The following ABI3BP variants were observed in gnomAD, a reference collection of about 807,000 sequenced individuals.
The protein encoded by ABI3BP is ABI family member 3 binding protein.
In ABI3BP, 216 loss-of-function variants were observed where a neutral mutation model predicts 268.6. That is an observed-to-expected ratio of 0.80 (90% confidence interval 0.72 to 0.90). ABI3BP has a LOEUF of 0.90. Ranked by LOEUF, ABI3BP falls within the 40% of genes least tolerant of loss-of-function variation. The pLI is 0.00. For missense variants in ABI3BP, 2,090 were observed against 2,182.4 expected (o/e 0.96, Z 0.84); for synonymous variants, 730 against 730.0 (o/e 1.00, Z 0.00).
At chr3:100,812,352 G>T in intron 46 of ABI3BP, 115 bp downstream of exon 46, 1 of 585,254 alleles carries the variant, frequency 1.7e-6, no homozygotes, top group Non-Finnish European at 2.6e-6. Flanking sequence ...GCACAGACAA[G>T]CTGTGAGGAG....
chr3:100,911,644 C>G, intron 2 of ABI3BP: 1 of 718,358 alleles, frequency 1.4e-6, no homozygotes, highest in South Asian at 1.6e-5. Context: ...GTAGAGGAAC[C>G]TGATACAGTT....
At chr3:100,824,612 T>C (rs576199653) in intron 36 of ABI3BP, among the ~76,000 whole-genome samples, 1 of 152,312 alleles carries the variant, frequency 6.6e-6, no homozygotes, top group East Asian at 1.9e-4. Context: ...CAGTAAGAAA[T>C]ATACTAACTA....
intron 53 of ABI3BP, 124 bp downstream of exon 53, chr3:100,795,680 T>C (rs2097324975): frequency 4.9e-6 from 4 of 809,756 alleles, no homozygotes; most frequent in Non-Finnish European, 1.7e-6. Context: ...AGAGTAATAA[T>C]AATGAGAATG....
chr3:100,764,127 G>A (rs1267624936), intron 63 of ABI3BP, among the ~76,000 whole-genome samples: 1 of 152,138 alleles, frequency 6.6e-6, no homozygotes, highest in Non-Finnish European at 1.5e-5. Flanking sequence ...TCCGTGTACT[G>A]ACATACACTA....
At chr3:100,911,762 G>T in intron 2 of ABI3BP, 5 of 1,046,620 alleles carry the variant, frequency 4.8e-6, no homozygotes, top group East Asian at 4.7e-5. Flanking sequence ...GAGTAGCGTA[G>T]CTTTCTGTTA....
At chr3:100,858,067 A>G (rs936768648) in intron 14 of ABI3BP, among the ~76,000 whole-genome samples, 7 of 152,258 alleles carry the variant, frequency 4.6e-5, no homozygotes, top group African/African-American at 1.7e-4. Flanking sequence ...TTATTGCATC[A>G]TCAGAAAGAC....
intron 18 of ABI3BP, 24 bp from the exon 19 acceptor site, chr3:100,847,697 A>G (rs751683149): frequency 1.3e-6 from 2 of 1,587,462 alleles, no homozygotes; most frequent in South Asian, 1.1e-5. Flanking sequence ...GGAAAAAAAT[A>G]TTGAAATATC....
At position 100,818,592 on chromosome 3, in the gene ABI3BP, G is replaced by A. The variant is rs2098122287; in HGVS notation, c.3032-11C>T. The A allele has an allele frequency of 6.5e-7, 1 of 1,532,028 alleles. No homozygotes were observed. Among genetic ancestry groups the A allele is most frequent in the South Asian group, 1.2e-5 (1 of 83,952 alleles). 94.9% of individuals were successfully genotyped at this position (1,532,028 alleles called of 1,614,324 possible). A position where few individuals can be genotyped will look rare whatever the true frequency, so the allele number is the denominator to read the frequency against. ...GATCTGTAGAAGGAACTAATTAAAAGCAATGAAATAAACTTGTGAAAAGCC... is the reference window on the plus strand; with the variant it reads ...GATCTGTAGAAGGAACTAATTAAAAACAATGAAATAAACTTGTGAAAAGCC... On this transcript the variant is annotated splice_polypyrimidine_tract_variant and intron_variant, in intron 40 of 67. Coordinates refer to ENST00000471714, the MANE Select transcript of ABI3BP (RefSeq NM_001375547.2).
chr3:100,912,918 CT>C (rs2057280274), intron 2 of ABI3BP, among the ~76,000 whole-genome samples: 1 of 152,200 alleles, frequency 6.6e-6, no homozygotes, highest in African/African-American at 2.4e-5. Flanking sequence ...TATCAGCTGC[CT>C]TTGCCTCTGC....
intron 57 of ABI3BP, among the ~76,000 whole-genome samples, chr3:100,780,930 G>A (rs2316943): frequency 0.14 from 20,953 of 152,064 alleles, 1,839 homozygotes; most frequent in South Asian, 0.26. Flanking sequence ...GGTTTTTGTC[G>A]TATTTTAAAA....
chr3:100,881,941 C>G (rs2153370289), intron 6 of ABI3BP, among the ~76,000 whole-genome samples: 1 of 152,246 alleles, frequency 6.6e-6, no homozygotes, highest in East Asian at 1.9e-4. Context: ...GAACACATAT[C>G]TAGATATATG....
intron 34 of ABI3BP, among the ~76,000 whole-genome samples, chr3:100,828,067 G>A (rs1163542812): frequency 1.3e-5 from 2 of 152,088 alleles, no homozygotes. Context: ...AAAGGGAGGT[G>A]TATAAGGGAT....
intron 51 of ABI3BP, among the ~76,000 whole-genome samples, chr3:100,801,460 A>AG (rs145844918): frequency 0.11 from 16,192 of 143,704 alleles, 1,390 homozygotes; most frequent in South Asian, 0.22. Context: ...AGAAAAGAAA[A>AG]AAAGATCTAA....
At chr3:100,759,533 AT>A (rs943064908) in intron 63 of ABI3BP, among the ~76,000 whole-genome samples, 4 of 152,112 alleles carry the variant, frequency 2.6e-5, no homozygotes, top group Non-Finnish European at 4.4e-5. Context: ...CATAAGGGGC[AT>A]TTTTTTGTGT....
chr3:100,966,451 C>T (rs759164297), intron 1 of ABI3BP, among the ~76,000 whole-genome samples: 9 of 152,148 alleles, frequency 5.9e-5, no homozygotes, highest in Non-Finnish European at 1.0e-4. Context: ...GAGTATGACA[C>T]GTACCATATG....
chr3:100,969,751 T>A (rs970520937), intron 1 of ABI3BP, among the ~76,000 whole-genome samples: 2 of 151,880 alleles, frequency 1.3e-5, no homozygotes, highest in African/African-American at 4.8e-5. Flanking sequence ...GTAGGAAGAG[T>A]CCACATCTAA....
Position 100,834,734 on chromosome 3 carries a change from C to T in ABI3BP, c.2231G>A (p.Arg744His), listed in dbSNP as rs772967949. The T allele has an allele frequency of 2.4e-4, 369 of 1,535,490 alleles. 2 individuals are homozygous for T. In the East Asian group the frequency reaches 8.0e-3, roughly 33 times the overall value. Residue 744 changes from arginine (R) to histidine (H), a missense_variant, in exon 29 of 68, where the codon CGT (arginine) becomes CAT (histidine). Transcript: ENST00000471714. ...TSQRTRTRRP[R>H]PKHKTTPRPE... The stretch of plus-strand genomic sequence containing the variant: ...GCGTGGCGTGGTTTTATGTTTGGGA[C>T]GTGGACGACGTGTTCTTGTTCGTTG...
At chr3:100,848,969 T>C in intron 17 of ABI3BP, 94 bp from the exon 18 acceptor site, 1 of 945,578 alleles carries the variant, frequency 1.1e-6, no homozygotes, top group Non-Finnish European at 1.7e-6. Flanking sequence ...GTACAAGAAC[T>C]GCTTTATATT....
intron 4 of ABI3BP, among the ~76,000 whole-genome samples, chr3:100,896,972 G>A (rs868421800): frequency 1.3e-5 from 2 of 152,076 alleles, no homozygotes; most frequent in Non-Finnish European, 2.9e-5. Context: ...ATTTCCCAAC[G>A]TCAGATGAAA....
Sources: allele counts gnomAD v4.1 joint callset (sites outside exome capture counted in the v4.1 genomes callset), GRCh38; gene constraint gnomAD v4.1.1; transcripts MANE v1.5; gene names NCBI Gene and HGNC (gene_info 2026-07-23, HGNC 2026-07-21).